SESN3: variants seen among roughly 807,000 people sequenced by gnomAD.
SESN3 encodes sestrin 3, also known as sestrin-3.
Under a neutral mutation model 55.3 loss-of-function variants are expected in SESN3, and 21 were observed. The ratio of observed to expected loss-of-function variants is 0.38; its 90% CI spans 0.27 to 0.55. SESN3 has a LOEUF of 0.55. SESN3 is among the 20% of genes least tolerant of loss of function. The probability of loss-of-function intolerance (pLI) is 0.76; values close to 1 mark genes in which losing one functional copy is unlikely to be tolerated. For synonymous variants in SESN3, 181 were observed against 203.1 expected, an observed-to-expected ratio of 0.89 and a Z score of 0.93; for missense variants, 408 against 604.3, an observed-to-expected ratio of 0.68 and a Z score of 3.41.
At chr11:95,187,426 T>G (rs985067553) in intron 4 of SESN3, among the ~76,000 whole-genome samples, 3 of 151,940 alleles carry the variant, frequency 2.0e-5, no homozygotes, top group African/African-American at 7.2e-5. Context: ...AAAAATTCAT[T>G]ACAATCTGGT....
chr11:95,200,618 A>C (rs1352289546), intron 1 of SESN3, among the ~76,000 whole-genome samples: 1 of 152,022 alleles, frequency 6.6e-6, no homozygotes, highest in Non-Finnish European at 1.5e-5. Flanking sequence ...TCCAAAGAGC[A>C]CTCAAAATTC....
chr11:95,228,552 T>C (rs1860990877), intron 1 of SESN3, among the ~76,000 whole-genome samples: 1 of 152,214 alleles, frequency 6.6e-6, no homozygotes, highest in African/African-American at 2.4e-5. Context: ...CATGTCTTTA[T>C]TAGAAATAAA....
Position 95,173,248 on chromosome 11 carries a change from T to C in SESN3, c.*7A>G. 1 of 1,546,234 alleles carries C rather than the reference T, an allele frequency of 6.5e-7. No individual in the cohort carries two copies. The highest frequency in any genetic ancestry group is 8.9e-7 in the Non-Finnish European group (1 of 1,125,534). On this transcript the variant is annotated 3_prime_UTR_variant, in exon 10 of 10. Coordinates refer to ENST00000536441, the MANE Select transcript of SESN3 (RefSeq NM_144665.4). ...ACACATGTATGACATTTTCCTTGGG[T>C]GATACTTCAGGTCAAATGCCGAGTT... is the stretch of plus-strand genomic sequence containing the variant.
chr11:95,221,374 A>G (rs760224009), intron 1 of SESN3, among the ~76,000 whole-genome samples: 1 of 152,190 alleles, frequency 6.6e-6, no homozygotes, highest in East Asian at 1.9e-4. Flanking sequence ...TTAGTTACCC[A>G]TGAGGTAAAT....
In SESN3 at chr11:95,230,704, C is replaced by A; in HGVS notation, c.78+79G>T. 12 of 1,065,340 alleles carry A rather than the reference C, an allele frequency of 1.1e-5. No homozygotes were observed. Among genetic ancestry groups the A allele is most frequent in the Non-Finnish European group, 1.7e-5 (12 of 717,922 alleles). The allele number at this position is 1,065,340 out of a possible 1,614,324, so 66.0% of individuals were successfully genotyped here. On this transcript the variant is annotated intron_variant, in intron 1 of 9. Transcript: ENST00000536441. The surrounding 1 kb of genome is among the most constrained non-coding windows in gnomAD (Gnocchi z 4.6). Reference sequence around the variant, plus strand: ...GGATCCCTCTCAGCCTCCCCCAGTGCGCGCCCGGGGACGAGCCGCCCGAGC... The same window carrying A: ...GGATCCCTCTCAGCCTCCCCCAGTGAGCGCCCGGGGACGAGCCGCCCGAGC...
intron 1 of SESN3, among the ~76,000 whole-genome samples, chr11:95,219,659 T>C (rs1278402369): frequency 1.3e-5 from 2 of 152,148 alleles, no homozygotes; most frequent in African/African-American, 2.4e-5. Context: ...TTCATTCAAC[T>C]CCTACCTAAA....
Position 95,178,049 on chromosome 11 carries a change from C to T in SESN3, c.1057-140G>A, listed in dbSNP as rs73530830. The T allele has an allele frequency of 8.4e-3, 5,128 of 610,608 alleles. 205 individuals carry two copies. The African/African-American group carries it at 0.089, about 11-fold the overall frequency. The allele number at this position is 610,608 out of a possible 1,614,324, so 37.8% of individuals were successfully genotyped here. The stretch of plus-strand genomic sequence containing the variant: ...GGTTTTCAGCTTTACTAAGGCTTTA[C>T]CAATAACCCTTCACATCAGTTAGTA... On this transcript the variant is annotated intron_variant, in intron 7 of 9. Coordinates refer to ENST00000536441, the MANE Select transcript of SESN3 (RefSeq NM_144665.4).
intron 1 of SESN3, among the ~76,000 whole-genome samples, chr11:95,210,217 G>C (rs1373806879): frequency 1.3e-5 from 2 of 151,152 alleles, no homozygotes; most frequent in Non-Finnish European, 2.9e-5. Context: ...GAGCCTGTAG[G>C]GGGTTAGGGG....
chr11:95,201,306 TTG>T (rs972500192), intron 1 of SESN3: 3 of 152,058 alleles, frequency 2.0e-5, no homozygotes, highest in African/African-American at 7.2e-5. Flanking sequence ...GTAGTACTCA[TTG>T]TAGTAGAAGC....
intron 2 of SESN3, among the ~76,000 whole-genome samples, chr11:95,192,313 C>A (rs974030621): frequency 2.6e-5 from 4 of 151,984 alleles, no homozygotes; most frequent in African/African-American, 9.7e-5. Flanking sequence ...GGGCATCACA[C>A]CAAGAACTGG....
intron 1 of SESN3, among the ~76,000 whole-genome samples, chr11:95,204,206 T>G (rs1206493846): frequency 6.6e-6 from 1 of 152,132 alleles, no homozygotes. Flanking sequence ...TGGTCATGGG[T>G]TTATGAAGCT....
At chr11:95,185,778 C>T (rs986356781) in intron 4 of SESN3, among the ~76,000 whole-genome samples, 1 of 151,792 alleles carries the variant, frequency 6.6e-6, no homozygotes, top group Non-Finnish European at 1.5e-5. Context: ...TAATGAAATA[C>T]TTTTAGAGAA....
At position 95,178,842 on chromosome 11, in the gene SESN3, T is replaced by C. The variant is rs755004805; in HGVS notation, c.938-14A>G. 4.9e-6 allele frequency: 7 copies of C among 1,423,886 alleles called. No homozygotes were observed. The highest frequency in any genetic ancestry group is 4.2e-5 in the African/African-American group (3 of 71,296). The allele number at this position is 1,423,886 out of a possible 1,614,324, so 88.2% of individuals were successfully genotyped here. ...CATCCTCAAAATCTAAGGACAATAA[T>C]GAACAATCTAGTGTTAAGGATACTG... On this transcript the variant is annotated splice_polypyrimidine_tract_variant and intron_variant, in intron 6 of 9. Coordinates refer to ENST00000536441, the MANE Select transcript of SESN3 (RefSeq NM_144665.4).
intron 1 of SESN3, chr11:95,224,494 A>G (rs1860914198): frequency 6.9e-6 from 3 of 436,886 alleles, no homozygotes; most frequent in Non-Finnish European, 1.4e-5. Flanking sequence ...GCTGAAAAGG[A>G]AAGAAAGACC....
Position 95,177,790 on chromosome 11 carries a change from G to T in SESN3, c.1176C>A (p.Thr392=). ...GCATGGTTGTGTCAACATCCTCATGGGTGGCCATAGTGTTATATGTGAGAT... is the reference window on the plus strand; with the variant it reads ...GCATGGTTGTGTCAACATCCTCATGTGTGGCCATAGTGTTATATGTGAGAT... The part of the protein sequence containing the change: ...VYNLTYNTMA[T]HEDVDTTMLR... Residue 392 remains threonine, a synonymous_variant, in exon 8 of 10, where the codon ACC becomes ACA. Transcript: ENST00000536441. The T allele has an allele frequency of 1.2e-6, 2 of 1,610,628 alleles. No individual in the cohort carries two copies. The highest frequency in any genetic ancestry group is 1.7e-6 in the Non-Finnish European group (2 of 1,178,886).
Position 95,173,118 on chromosome 11 carries a change from CA to C in SESN3, c.*136del, listed in dbSNP as rs781304580. 0.047 allele frequency: 18,861 copies of C among 404,042 alleles called. 18 individuals carry two copies. The highest frequency in any genetic ancestry group is 0.065 in the South Asian group (1,291 of 19,880). 25.0% of individuals were successfully genotyped at this position (404,042 alleles called of 1,614,324 possible). On this transcript the variant is annotated 3_prime_UTR_variant, in exon 10 of 10. Coordinates refer to ENST00000536441, the MANE Select transcript of SESN3 (RefSeq NM_144665.4). ...CATTGCACATTACAGCCGCAAAAAACAAAAAAAAAAAAACAAACGGCTAAAC... is the reference window on the plus strand; with the variant it reads ...CATTGCACATTACAGCCGCAAAAAACAAAAAAAAAAAACAAACGGCTAAAC...
rs558694276 is a variant in SESN3, at chr11:95,173,151, A to T, written c.*104T>A. The T allele has an allele frequency of 3.3e-6, 2 of 607,450 alleles. No individual in the cohort carries two copies. The highest frequency in any genetic ancestry group is 2.6e-5 in the East Asian group (1 of 37,970). 37.6% of individuals were successfully genotyped at this position (607,450 alleles called of 1,614,324 possible). ...AAAAAACAAACGGCTAAACTTTGAC[A>T]CTAGAGAACTGAATAATTTTTGATG... On this transcript the variant is annotated 3_prime_UTR_variant, in exon 10 of 10. Coordinates refer to ENST00000536441, the MANE Select transcript of SESN3 (RefSeq NM_144665.4).
intron 4 of SESN3, among the ~76,000 whole-genome samples, chr11:95,188,667 A>G (rs1336007512): frequency 6.6e-6 from 1 of 151,870 alleles, no homozygotes; most frequent in Non-Finnish European, 1.5e-5. Context: ...TTATTCTTCA[A>G]GACCTAGCTC....
intron 9 of SESN3, among the ~76,000 whole-genome samples, chr11:95,174,590 T>C (rs1296104270): frequency 6.6e-6 from 1 of 152,092 alleles, no homozygotes; most frequent in East Asian, 1.9e-4. Context: ...TTCAAGCGAT[T>C]CTCCTGCCTC....
Sources: gnomAD v4.1 joint callset for allele counts (sites outside exome capture counted in the v4.1 genomes callset) on GRCh38, gnomAD v4.1.1 for gene constraint, Gnocchi (gnomAD v3.1) non-coding constraint, MANE v1.5 for transcripts, NCBI Gene and HGNC (gene_info 2026-07-23, HGNC 2026-07-21) for gene names.